Variants in PI15 observed in about 807,000 individuals in gnomAD.
PI15 encodes the protein peptidase inhibitor 15.
PI15 carries 18 observed loss-of-function variants against 31.0 expected under a neutral mutation model. That is an observed-to-expected ratio of 0.58 (90% confidence interval 0.40 to 0.86). PI15 has a LOEUF of 0.86. PI15 is among the 40% of genes least tolerant of loss of function. PI15 has a pLI of 0.00. For missense variants in PI15, 282 were observed against 328.1 expected (o/e 0.86, Z 1.09); for synonymous variants, 118 against 119.1 (o/e 0.99, Z 0.06).
chr8:74,851,636 T>C lies in PI15; in HGVS notation c.*2383T>C, dbSNP rs559176502. ...TTATCCCAGCTTCTTAAATGGTGGC[T>C]GTAACATAATAAATGTTTAATAAAT... On this transcript the variant is annotated 3_prime_UTR_variant, in exon 6 of 6. Transcript: ENST00000260113. The C allele has an allele frequency of 1.3e-5, 2 of 152,220 alleles. No individual in the cohort carries two copies. The highest frequency in any genetic ancestry group is 2.1e-4 in the South Asian group (1 of 4,830). The allele number at this position is 152,220 out of a possible 1,614,324, so 9.4% of individuals were successfully genotyped here.
intron 2 of PI15, among the ~76,000 whole-genome samples, chr8:74,827,137 A>G (rs1011791984): frequency 2.0e-5 from 3 of 152,222 alleles, no homozygotes; most frequent in Admixed American, 2.0e-4. Flanking sequence ...AAGACTGCTG[A>G]GCCAGCTTTG....
intron 2 of PI15, among the ~76,000 whole-genome samples, chr8:74,834,661 G>C (rs183809643): frequency 6.6e-6 from 1 of 152,170 alleles, no homozygotes; most frequent in African/African-American, 2.4e-5. Context: ...ACATATGCAC[G>C]CATGAACAGT....
rs765715331 is a variant in PI15, at chr8:74,845,391, GC to G, written c.537del (p.Thr180LeufsTer5). ...TGGTTTATTTTCACAGATGGTTTGG[GC>G]CACTTCCAATCGGATAGGATGCGCA... is the stretch of plus-strand genomic sequence containing the variant. ...MCTHYTQMVW[A>X]TSNRIGCAIH... On this transcript the variant is annotated frameshift_variant, in exon 5 of 6. Coordinates refer to ENST00000260113, the MANE Select transcript of PI15 (RefSeq NM_015886.5). LOFTEE classifies it high-confidence loss of function. The G allele has an allele frequency of 6.2e-7, 1 of 1,613,280 alleles. No individual in the cohort carries two copies. Among genetic ancestry groups the G allele is most frequent in the Admixed American group, 1.7e-5 (1 of 60,004 alleles).
chr8:74,843,931 T>C (rs1810982675), intron 2 of PI15, 50 bp from the exon 3 acceptor site: 1 of 843,686 alleles, frequency 1.2e-6, no homozygotes, highest in African/African-American at 1.7e-5. Flanking sequence ...TCTTACTTTT[T>C]GTTTGTTATC....
In PI15 at chr8:74,849,316, T is replaced by G. The variant is rs1811072323; in HGVS notation, c.*63T>G. ...GAACATGGGCATGTATATATATATA[T>G]GGAGAGAGAATTTTGCACATATTAT... On this transcript the variant is annotated 3_prime_UTR_variant, in exon 6 of 6. Coordinates refer to ENST00000260113, the MANE Select transcript of PI15 (RefSeq NM_015886.5). The G allele has an allele frequency of 8.0e-7, 1 of 1,254,428 alleles. No individual in the cohort carries two copies. Among genetic ancestry groups the G allele is most frequent in the Non-Finnish European group, 1.1e-6 (1 of 907,668 alleles). 77.7% of individuals were successfully genotyped at this position (1,254,428 alleles called of 1,614,324 possible). A position where few individuals can be genotyped will look rare whatever the true frequency, so the allele number is the denominator to read the frequency against.
chr8:74,834,703 G>C (rs1810836230), intron 2 of PI15, among the ~76,000 whole-genome samples: 2 of 152,218 alleles, frequency 1.3e-5, no homozygotes, highest in Non-Finnish European at 1.5e-5. Context: ...CCTGGAAGCT[G>C]TGTGGCCCTG....
chr8:74,841,553 T>C (rs984187374), intron 2 of PI15, among the ~76,000 whole-genome samples: 2 of 152,220 alleles, frequency 1.3e-5, no homozygotes. Context: ...AAAGTGTTTT[T>C]AGCAGTTACA....
rs1486547217 is a variant in PI15, at chr8:74,854,153, A to T, written c.*4900A>T. On this transcript the variant is annotated 3_prime_UTR_variant, in exon 6 of 6. Coordinates refer to ENST00000260113, the MANE Select transcript of PI15 (RefSeq NM_015886.5). ...TTAAAAATGTATGCAAAAGCTTAGG[A>T]TTATATCATGTGTAACTATTATAGA... is the stretch of plus-strand genomic sequence containing the variant. 6.6e-6 allele frequency: 1 copy of T among 152,046 alleles called. No homozygotes were observed. The highest frequency in any genetic ancestry group is 1.5e-5 in the Non-Finnish European group (1 of 67,928). 9.4% of individuals were successfully genotyped at this position (152,046 alleles called of 1,614,324 possible).
chr8:74,837,638 A>G (rs1417448532), intron 2 of PI15, among the ~76,000 whole-genome samples: 1 of 152,104 alleles, frequency 6.6e-6, no homozygotes, highest in Non-Finnish European at 1.5e-5. Context: ...TCTTTTCTCA[A>G]TCTAAGAAAA....
intron 1 of PI15, chr8:74,824,910 C>G (rs1810669649): frequency 4.4e-6 from 1 of 227,198 alleles, no homozygotes; most frequent in African/African-American, 2.3e-5. Context: ...TGAAAATATG[C>G]AGTAATATAT....
chr8:74,829,007 A>C (rs141883682), intron 2 of PI15, among the ~76,000 whole-genome samples: 1 of 151,914 alleles, frequency 6.6e-6, no homozygotes, highest in African/African-American at 2.4e-5. Flanking sequence ...TGCTCTCATG[A>C]AGTGATTTAC....
At chr8:74,842,153 G>T (rs763861844) in intron 2 of PI15, among the ~76,000 whole-genome samples, 47 of 152,082 alleles carry the variant, frequency 3.1e-4, no homozygotes, top group Non-Finnish European at 5.3e-4. Context: ...GCATTCCCAT[G>T]AGTTTGCTTG....
chr8:74,848,184 A>G (rs1811051781), intron 5 of PI15, among the ~76,000 whole-genome samples: 1 of 152,212 alleles, frequency 6.6e-6, no homozygotes, highest in Non-Finnish European at 1.5e-5. Flanking sequence ...TCAAAAATCT[A>G]ATAGCACTAA....
At chr8:74,845,562 A>G (rs1811014835) in intron 5 of PI15, 65 bp downstream of exon 5, 2 of 992,036 alleles carry the variant, frequency 2.0e-6, no homozygotes, top group Non-Finnish European at 3.2e-6. Context: ...CTAGGCTGAT[A>G]GTTATCTGTG....
intron 2 of PI15, among the ~76,000 whole-genome samples, chr8:74,838,736 G>C (rs1442927461): frequency 2.0e-5 from 3 of 152,072 alleles, no homozygotes; most frequent in Admixed American, 6.6e-5. Context: ...TGAAGTTAAA[G>C]GATCTTACCC....
At chr8:74,840,712 T>A (rs1362922818) in intron 2 of PI15, among the ~76,000 whole-genome samples, 1 of 152,094 alleles carries the variant, frequency 6.6e-6, no homozygotes. Flanking sequence ...AGAGGGTAGG[T>A]CAGTCCTGTC....
chr8:74,835,847 A>G (rs577239286), intron 2 of PI15, among the ~76,000 whole-genome samples: 1 of 152,326 alleles, frequency 6.6e-6, no homozygotes, highest in South Asian at 2.1e-4. Flanking sequence ...AGCTATTTAA[A>G]TACTCTTTCT....
At position 74,825,278 on chromosome 8, in the gene PI15, C is replaced by G; in HGVS notation, c.29C>G (p.Ala10Gly). The G allele has an allele frequency of 6.2e-7, 1 of 1,613,416 alleles. No individual in the cohort carries two copies. Among genetic ancestry groups the G allele is most frequent in the Non-Finnish European group, 8.5e-7 (1 of 1,179,512 alleles). Residue 10 changes from alanine to glycine, a missense_variant, in exon 2 of 6, where the codon GCA becomes GGA. By Grantham distance (60) the Ala-to-Gly change is moderately conservative. Coordinates refer to ENST00000260113, the MANE Select transcript of PI15 (RefSeq NM_015886.5). ...ATAGCAATCTCTGCCGTCAGCAGTG[C>G]ACTCCTGTTCTCCCTTCTCTGTGAA... Reference protein sequence around the residue: MIAISAVSSALLFSLLCEAS... With the variant: MIAISAVSSGLLFSLLCEAS...
chr8:74,827,875 G>T (rs1023149368), intron 2 of PI15, among the ~76,000 whole-genome samples: 1 of 152,056 alleles, frequency 6.6e-6, no homozygotes, highest in African/African-American at 2.4e-5. Context: ...TACATAGTAG[G>T]TGCTTTCTAA....
Sources: gnomAD v4.1 joint callset for allele counts (sites outside exome capture counted in the v4.1 genomes callset) on GRCh38, gnomAD v4.1.1 for gene constraint, MANE v1.5 for transcripts, NCBI Gene and HGNC (gene_info 2026-07-23, HGNC 2026-07-21) for gene names.